ACYP2: variants seen among roughly 807,000 people sequenced by gnomAD.
ACYP2 encodes the protein acylphosphatase-2.
A neutral mutation model predicts 11.2 loss-of-function variants in ACYP2; 12 were observed. The ratio of observed to expected loss-of-function variants is 1.08; its 90% confidence interval spans 0.69 to 1.74. The LOEUF is 1.74. Ranked by LOEUF, ACYP2 falls within the 40% of genes most tolerant of loss-of-function variation. ACYP2 has a pLI of 0.00. For missense variants in ACYP2, 134 were observed against 101.9 expected (o/e 1.31, Z -1.35); for synonymous variants, 43 against 32.2 (o/e 1.33, Z -1.13).
chr2:53,975,141 C>T (rs776661224), intron 2 of ACYP2: 6 of 386,912 alleles, frequency 1.6e-5, no homozygotes, highest in Middle Eastern at 6.3e-4. Context: ...AGAAGAATTG[C>T]TTGAACCCGG....
chr2:54,115,519 C>A, intron 4 of ACYP2, 96 bp from the exon 1 acceptor site: 1 of 1,471,444 alleles, frequency 6.8e-7, no homozygotes, highest in East Asian at 2.6e-5. Flanking sequence ...GCCCTCGCTC[C>A]CAGGCCCCGC....
In ACYP2 at chr2:53,996,042, G is replaced by A. The variant is rs569099163; in HGVS notation, c.62+22232G>A. Among the ~76,000 whole-genome samples, 51 of 152,044 alleles carry A rather than the reference G, an allele frequency of 3.4e-4. No individual in the cohort carries two copies. In the East Asian group the frequency reaches 9.0e-3, roughly 27 times the overall value. On this transcript the variant is annotated intron_variant, in intron 2 of 6. Transcript: ENST00000607452. ...CCAGCTACATGGGAGGCTGAGGCAG[G>A]AGAATTGCTTGAACCTGGGAGGTGG...
At chr2:54,222,983 T>A (rs1030667427) in intron 6 of ACYP2, 2 of 152,258 alleles carry the variant, frequency 1.3e-5, no homozygotes, top group Non-Finnish European at 2.9e-5. Flanking sequence ...TATTCTTTAC[T>A]CTCTGTTTTG....
chr2:54,061,519 G>C (rs944536906), intron 4 of ACYP2, among the ~76,000 whole-genome samples: 1 of 152,130 alleles, frequency 6.6e-6, no homozygotes, highest in African/African-American at 2.4e-5. Context: ...ACCTTAGAGG[G>C]CTGGTCTATA....
At chr2:54,204,864 T>A (rs543181897) in intron 6 of ACYP2, among the ~76,000 whole-genome samples, 1 of 152,308 alleles carries the variant, frequency 6.6e-6, no homozygotes, top group East Asian at 1.9e-4. Context: ...TATTTCTGCT[T>A]TGTGATGTGA....
intron 2 of ACYP2, among the ~76,000 whole-genome samples, chr2:54,046,856 A>G (rs529360008): frequency 6.6e-6 from 1 of 152,340 alleles, no homozygotes; most frequent in Admixed American, 6.5e-5. Flanking sequence ...CCTAATCAAA[A>G]GAGTGAACAT....
intron 6 of ACYP2, among the ~76,000 whole-genome samples, chr2:54,274,491 A>C (rs1485426804): frequency 6.6e-6 from 1 of 152,010 alleles, no homozygotes; most frequent in Non-Finnish European, 1.5e-5. Flanking sequence ...AAAATAAAAA[A>C]TTAACCAGGT....
At chr2:54,293,041 C>T (rs1689376026) in intron 6 of ACYP2, among the ~76,000 whole-genome samples, 2 of 152,202 alleles carry the variant, frequency 1.3e-5, no homozygotes, top group African/African-American at 4.8e-5. Context: ...TTACTATTTT[C>T]CAGATACTGT....
intron 4 of ACYP2, among the ~76,000 whole-genome samples, chr2:54,083,192 A>G (rs762973424): frequency 2.6e-5 from 4 of 152,124 alleles, no homozygotes; most frequent in Non-Finnish European, 4.4e-5. Flanking sequence ...CAGCAACAGG[A>G]TCTGTTATTG....
intron 1 of ACYP2, among the ~76,000 whole-genome samples, chr2:53,971,716 A>T (rs1482528161): frequency 1.3e-5 from 2 of 152,334 alleles, no homozygotes; most frequent in Non-Finnish European, 2.9e-5. Context: ...AAAGAAGTTG[A>T]AACTAGGGGG....
chr2:53,995,488 T>TTTTTTTTATTTATTTA (rs1553350325), intron 2 of ACYP2, among the ~76,000 whole-genome samples: 3 of 145,070 alleles, frequency 2.1e-5, no homozygotes, highest in East Asian at 4.0e-4. Context: ...TTTATTTATT[T>TTTTTTTTATTTATTTA]TTTATTTATT....
At chr2:54,013,256 TG>T (rs1673483257) in intron 2 of ACYP2, among the ~76,000 whole-genome samples, 1 of 1,022 alleles carries the variant, frequency 9.8e-4, no homozygotes, top group Non-Finnish European at 2.0e-3. Context: ...CCATCTAATA[TG>T]TGTGTGTGTG....
At chr2:54,273,290 A>G (rs74689715) in intron 6 of ACYP2, among the ~76,000 whole-genome samples, 6,135 of 152,316 alleles carry the variant, frequency 0.04, 409 homozygotes, top group African/African-American at 0.14. Flanking sequence ...AAAGTTTTAA[A>G]TGTTCCATTA....
intron 4 of ACYP2, among the ~76,000 whole-genome samples, chr2:54,120,742 C>T (rs1680100091): frequency 6.6e-6 from 1 of 152,160 alleles, no homozygotes; most frequent in South Asian, 2.1e-4. Flanking sequence ...CTGTGGTCAG[C>T]CCGCAGCTGG....
Position 54,303,954 on chromosome 2 carries a change from A to G in ACYP2, c.405-734A>G, listed in dbSNP as rs192619353. 5.9e-5 allele frequency among the ~76,000 whole-genome samples: 9 copies of G among 152,350 alleles called. No homozygotes were observed. In the East Asian group the frequency reaches 1.3e-3, roughly 23 times the overall value. Reference sequence around the variant, plus strand: ...CAGCAATATACAATAGGCCTGAACTATATAGGAAATATCTTGGGTAAGTGA... The same window carrying G: ...CAGCAATATACAATAGGCCTGAACTGTATAGGAAATATCTTGGGTAAGTGA... On this transcript the variant is annotated intron_variant, in intron 6 of 6. Transcript: ENST00000607452.
At chr2:54,115,681 A>G (rs1391486780) in intron 4 of ACYP2, 2 of 1,609,296 alleles carry the variant, frequency 1.2e-6, no homozygotes, top group Non-Finnish European at 1.7e-6. Flanking sequence ...GCTCCTCAAC[A>G]GAGGGCTCGC....
chr2:54,297,246 C>G (rs1185112505), intron 6 of ACYP2, among the ~76,000 whole-genome samples: 2 of 148,028 alleles, frequency 1.4e-5, no homozygotes, highest in African/African-American at 5.3e-5. Flanking sequence ...GTAATCCTAA[C>G]ACTTTAGGAG....
At chr2:54,122,730 C>G (rs545050765) in intron 4 of ACYP2, among the ~76,000 whole-genome samples, 37 of 152,180 alleles carry the variant, frequency 2.4e-4, no homozygotes, top group Non-Finnish European at 4.9e-4. Flanking sequence ...GCTTATGAAA[C>G]TTTGAGCAGT....
chr2:54,069,771 G>A (rs1676933384), intron 4 of ACYP2, among the ~76,000 whole-genome samples: 1 of 152,224 alleles, frequency 6.6e-6, no homozygotes, highest in African/African-American at 2.4e-5. Context: ...GTGACCAGCT[G>A]ATGAATATGC....
Sources: allele counts gnomAD v4.1 joint callset (sites outside exome capture counted in the v4.1 genomes callset), GRCh38; gene constraint gnomAD v4.1.1; transcripts MANE v1.5; gene names NCBI Gene and HGNC (gene_info 2026-07-23, HGNC 2026-07-21).